THSD7B: variants seen among roughly 807,000 people sequenced by gnomAD.
THSD7B encodes the protein thrombospondin type 1 domain containing 7B.
Under a neutral mutation model 213.6 loss-of-function variants are expected in THSD7B, and 138 were observed. That is an observed-to-expected ratio of 0.65 (90% CI 0.56 to 0.74). THSD7B has a LOEUF of 0.74. THSD7B is among the 30% of genes least tolerant of loss of function. The probability of loss-of-function intolerance (pLI) is 0.00; values close to 1 mark genes in which losing one functional copy is unlikely to be tolerated. For synonymous variants in THSD7B, 742 were observed against 687.0 expected, an observed-to-expected ratio of 1.08 and a Z score of -1.25; for missense variants, 1,931 against 1,991.5, an observed-to-expected ratio of 0.97 and a Z score of 0.58.
rs28649159 is a variant in THSD7B, at chr2:136,956,685, C to T, written c.139+74368C>T. Among the ~76,000 whole-genome samples, 13 of 140,798 alleles carry T rather than the reference C, an allele frequency of 9.2e-5. No homozygotes were observed. The East Asian group carries it at 1.2e-3, about 13-fold the overall frequency. 92.4% of individuals were successfully genotyped at this position (140,798 alleles called of 152,430 possible). A position where few individuals can be genotyped will look rare whatever the true frequency, so the allele number is the denominator to read the frequency against. On this transcript the variant is annotated intron_variant, in intron 2 of 27. Transcript: ENST00000409968. ...ATATTACTTTAATTTTTTTTCTTTT[C>T]TTTTTTTTTTTTGAGACAGAGTCTT...
chr2:136,909,392 CA>C lies in THSD7B; in HGVS notation c.139+27078del, dbSNP rs370641356. ...AATAGCAAGATAACTTTCCTTTATC[CA>C]AAGATAAAGTACTGATACTCTACTG... On this transcript the variant is annotated intron_variant, in intron 2 of 27. Coordinates refer to ENST00000409968, the MANE Select transcript of THSD7B (RefSeq NM_001316349.2). Among the ~76,000 whole-genome samples, 262 of 152,192 alleles carry C rather than the reference CA, an allele frequency of 1.7e-3. 1 individual carries two copies. Among genetic ancestry groups the C allele is most frequent in the African/African-American group, 6.1e-3 (254 of 41,532 alleles).
At chr2:137,073,501 G>T (rs528438154) in intron 3 of THSD7B, among the ~76,000 whole-genome samples, 4 of 151,954 alleles carry the variant, frequency 2.6e-5, no homozygotes, top group Admixed American at 2.0e-4. Flanking sequence ...TCTTGCTAGC[G>T]GTCTATCAAT....
At chr2:137,445,196 T>A (rs1270602451) in intron 14 of THSD7B, among the ~76,000 whole-genome samples, 1 of 152,044 alleles carries the variant, frequency 6.6e-6, no homozygotes, top group Admixed American at 6.6e-5. Flanking sequence ...AAAAACAGTA[T>A]GGAGATTTCT....
At chr2:136,822,838 C>G (rs1682587551) in intron 1 of THSD7B, among the ~76,000 whole-genome samples, 1 of 152,160 alleles carries the variant, frequency 6.6e-6, no homozygotes, top group Non-Finnish European at 1.5e-5. Context: ...TTTTTAAAAA[C>G]TCCCCAGGAT....
intron 21 of THSD7B, among the ~76,000 whole-genome samples, chr2:137,650,412 G>A (rs1426549615): frequency 6.6e-6 from 1 of 152,142 alleles, no homozygotes; most frequent in East Asian, 1.9e-4. Flanking sequence ...AAATGCTACT[G>A]ATTTCTGTAT....
intron 7 of THSD7B, among the ~76,000 whole-genome samples, chr2:137,185,324 A>G (rs1316253532): frequency 2.0e-5 from 3 of 151,700 alleles, no homozygotes; most frequent in Non-Finnish European, 4.4e-5. Flanking sequence ...TGTGATGCTG[A>G]TGTTTGGGGA....
intron 15 of THSD7B, among the ~76,000 whole-genome samples, chr2:137,518,646 C>T (rs1050839889): frequency 1.3e-5 from 2 of 152,156 alleles, no homozygotes; most frequent in African/African-American, 2.4e-5. Context: ...GATAGGATGA[C>T]CTGTTCTGTG....
At chr2:137,209,968 A>G (rs1681064339) in intron 7 of THSD7B, among the ~76,000 whole-genome samples, 1 of 152,088 alleles carries the variant, frequency 6.6e-6, no homozygotes, top group Admixed American at 6.6e-5. Context: ...TGGGCCTACA[A>G]AGGGGTGCCT....
chr2:136,910,232 G>T (rs1183625510), intron 2 of THSD7B, among the ~76,000 whole-genome samples: 2 of 151,936 alleles, frequency 1.3e-5, no homozygotes, highest in African/African-American at 4.8e-5. Flanking sequence ...AAGGTGCCAA[G>T]CAGGAGTGGA....
chr2:137,211,350 A>ACACACACACACACACAGAGG (rs377696115), intron 7 of THSD7B, among the ~76,000 whole-genome samples: 31 of 138,956 alleles, frequency 2.2e-4, no homozygotes, highest in East Asian at 6.4e-4. Context: ...ACACACACAC[A>ACACACACACACACACAGAGG]CACACACACA....
At chr2:137,264,043 T>A (rs1034511286) in intron 10 of THSD7B, among the ~76,000 whole-genome samples, 8 of 152,200 alleles carry the variant, frequency 5.3e-5, no homozygotes, top group African/African-American at 1.9e-4. Context: ...AATGCATGTA[T>A]GTACATTTCA....
At chr2:137,082,030 A>T (rs930084215) in intron 3 of THSD7B, among the ~76,000 whole-genome samples, 1 of 152,118 alleles carries the variant, frequency 6.6e-6, no homozygotes, top group Non-Finnish European at 1.5e-5. Context: ...ATTATCCATG[A>T]CTGCCACTTC....
intron 26 of THSD7B, among the ~76,000 whole-genome samples, chr2:137,666,229 A>G (rs892881856): frequency 2.6e-5 from 4 of 152,106 alleles, no homozygotes; most frequent in African/African-American, 7.2e-5. Context: ...GCACCAATCC[A>G]TAAGTTGTTA....
At chr2:137,198,148 C>G (rs1358353836) in intron 7 of THSD7B, among the ~76,000 whole-genome samples, 1 of 152,136 alleles carries the variant, frequency 6.6e-6, no homozygotes, top group Non-Finnish European at 1.5e-5. Context: ...ACTAATGAGT[C>G]TACATAGTCA....
intron 2 of THSD7B, among the ~76,000 whole-genome samples, chr2:136,990,146 C>A (rs1685745358): frequency 6.6e-6 from 1 of 152,210 alleles, no homozygotes; most frequent in Non-Finnish European, 1.5e-5. Flanking sequence ...AAAGGGAAAT[C>A]AGCGACATTT....
intron 2 of THSD7B, among the ~76,000 whole-genome samples, chr2:137,051,910 T>A (rs1421193078): frequency 2.0e-5 from 3 of 152,182 alleles, no homozygotes; most frequent in African/African-American, 7.2e-5. Flanking sequence ...CATGCTTTCT[T>A]AAATGTGATG....
intron 12 of THSD7B, among the ~76,000 whole-genome samples, chr2:137,354,629 A>G (rs967762194): frequency 6.6e-6 from 1 of 152,152 alleles, no homozygotes; most frequent in African/African-American, 2.4e-5. Context: ...AGTTTTGAAT[A>G]TAAGTTCTAT....
In THSD7B at chr2:137,242,632, A is replaced by G. The variant is rs188408715; in HGVS notation, c.2266+60A>G. 41 of 1,315,048 alleles carry G rather than the reference A, an allele frequency of 3.1e-5. No homozygotes were observed. In the Admixed American group the frequency reaches 5.3e-4, roughly 17 times the overall value. The allele number at this position is 1,315,048 out of a possible 1,614,324, so 81.5% of individuals were successfully genotyped here. Reference sequence around the variant, plus strand: ...CTAACCTGATTGTTTCTCCACATCTAAGTAAGTGAGAGGTTGTGGAATGTG... The same window carrying G: ...CTAACCTGATTGTTTCTCCACATCTGAGTAAGTGAGAGGTTGTGGAATGTG... On this transcript the variant is annotated intron_variant, in intron 10 of 27. Transcript: ENST00000409968.
intron 5 of THSD7B, among the ~76,000 whole-genome samples, chr2:137,117,118 G>A (rs565066189): frequency 7.2e-5 from 11 of 152,250 alleles, no homozygotes; most frequent in African/African-American, 2.2e-4. Context: ...TGCCATAAAG[G>A]CACTGTATAC....
Sources: allele counts gnomAD v4.1 joint callset (sites outside exome capture counted in the v4.1 genomes callset), GRCh38; gene constraint gnomAD v4.1.1; transcripts MANE v1.5; gene names NCBI Gene and HGNC (gene_info 2026-07-23, HGNC 2026-07-21).